Variants in DYM observed in about 807,000 individuals in gnomAD.
The protein encoded by DYM is dyggve-Melchior-Clausen syndrome protein.
Under a neutral mutation model 93.1 loss-of-function variants are expected in DYM, and 78 were observed. The ratio of observed to expected loss-of-function variants is 0.84; its 90% CI spans 0.70 to 1.01. The LOEUF is 1.01. Ranked by LOEUF, DYM falls within the 50% of genes least tolerant of loss-of-function variation. The pLI, the probability that DYM is intolerant of heterozygous loss-of-function variation, is 0.00. For missense variants in DYM, 789 were observed against 845.0 expected (o/e 0.93, Z 0.82); for synonymous variants, 321 against 319.7 (o/e 1.00, Z -0.04).
At chr18:49,343,628 T>TG (rs2064336932) in intron 6 of DYM, among the ~76,000 whole-genome samples, 1 of 152,226 alleles carries the variant, frequency 6.6e-6, no homozygotes, top group Non-Finnish European at 1.5e-5. Flanking sequence ...AAACAAGGAC[T>TG]GACAACCAGT....
chr18:49,258,855 G>GAGAGAGCAC (rs2094442162), intron 11 of DYM, among the ~76,000 whole-genome samples: 13 of 101,522 alleles, frequency 1.3e-4, no homozygotes, highest in African/African-American at 4.7e-4. Context: ...GAGAGAGAGA[G>GAGAGAGCAC]AGAGAGAGAG....
chr18:49,251,297 G>A (rs1268735317), intron 13 of DYM, among the ~76,000 whole-genome samples: 1 of 152,168 alleles, frequency 6.6e-6, no homozygotes, highest in Non-Finnish European at 1.5e-5. Context: ...GGGTGAAGAC[G>A]ACACACATGT....
At chr18:49,330,034 GTTT>G (rs1048569772) in intron 8 of DYM, among the ~76,000 whole-genome samples, 6 of 152,114 alleles carry the variant, frequency 3.9e-5, no homozygotes, top group African/African-American at 1.4e-4. Context: ...GACTGTGATC[GTTT>G]TTACATTTCA....
chr18:49,170,564 G>A (rs1321916945), intron 14 of DYM, among the ~76,000 whole-genome samples: 2 of 151,918 alleles, frequency 1.3e-5, no homozygotes, highest in South Asian at 2.1e-4. Context: ...GGTGGATCAT[G>A]AGGTCAGGAA....
In DYM at chr18:49,405,820, T is replaced by C. The variant is rs1049050027; in HGVS notation, c.141-14175A>G. Among the ~76,000 whole-genome samples, 15 of 152,370 alleles carry C rather than the reference T, an allele frequency of 9.8e-5. No individual in the cohort carries two copies. In the East Asian group the frequency reaches 2.5e-3, roughly 25 times the overall value. ...TATCTGTAGATTGCTTCGGACAGTA[T>C]GGCCATTTTAACAATGTCAATTCTT... is the stretch of plus-strand genomic sequence containing the variant. On this transcript the variant is annotated intron_variant, in intron 2 of 17. Transcript: ENST00000675505.
intron 15 of DYM, among the ~76,000 whole-genome samples, chr18:49,139,312 C>T (rs1279441727): frequency 6.6e-6 from 1 of 152,064 alleles, no homozygotes. Flanking sequence ...TTTTCTATTT[C>T]CTCCAACATT....
chr18:49,322,862 A>G (rs2146623542), intron 8 of DYM, among the ~76,000 whole-genome samples: 1 of 152,310 alleles, frequency 6.6e-6, no homozygotes, highest in African/African-American at 2.4e-5. Flanking sequence ...ATTTGATCTC[A>G]GCAGCCCCAC....
At chr18:49,402,925 T>C (rs1249432392) in intron 2 of DYM, among the ~76,000 whole-genome samples, 4 of 152,202 alleles carry the variant, frequency 2.6e-5, no homozygotes, top group African/African-American at 9.7e-5. Flanking sequence ...TGGTATGACC[T>C]AGCCAAATTA....
rs144856164 is a variant in DYM, at chr18:49,369,589, GTTA to G, written c.422-6359_422-6357del. Among the ~76,000 whole-genome samples the G allele has an allele frequency of 7.1e-3, 1,082 of 152,238 alleles. 18 individuals are homozygous for G. Among genetic ancestry groups the G allele is most frequent in the African/African-American group, 0.025 (1,036 of 41,538 alleles). On this transcript the variant is annotated intron_variant, in intron 5 of 17. Coordinates refer to ENST00000675505, the MANE Select transcript of DYM (RefSeq NM_001353214.3). The stretch of plus-strand genomic sequence containing the variant: ...TACTCCATTTTCCAACTTTCAAAAT[GTTA>G]TTAACATTGTGTTCCCCTCTCTTCT...
chr18:49,442,439 T>C (rs1025293139), intron 1 of DYM, among the ~76,000 whole-genome samples: 1 of 151,946 alleles, frequency 6.6e-6, no homozygotes, highest in African/African-American at 2.4e-5. Context: ...TAGTTCCTGC[T>C]ACTTGGGAGG....
chr18:49,136,015 C>T (rs1450423331), intron 15 of DYM, among the ~76,000 whole-genome samples: 1 of 152,208 alleles, frequency 6.6e-6, no homozygotes, highest in Non-Finnish European at 1.5e-5. Flanking sequence ...CAAACAACTG[C>T]TAATGCTCAT....
intron 13 of DYM, among the ~76,000 whole-genome samples, chr18:49,214,326 C>T (rs75288633): frequency 1.4e-3 from 206 of 152,246 alleles, no homozygotes; most frequent in African/African-American, 3.9e-3. Context: ...CATAGGAAGA[C>T]GAACCCTATT....
At chr18:49,161,181 A>G (rs969883747) in intron 15 of DYM, among the ~76,000 whole-genome samples, 1 of 152,180 alleles carries the variant, frequency 6.6e-6, no homozygotes, top group African/African-American at 2.4e-5. Flanking sequence ...ATTTTTACTT[A>G]GTGAAAATTT....
At chr18:49,201,749 T>C (rs957694102) in intron 14 of DYM, among the ~76,000 whole-genome samples, 2 of 152,268 alleles carry the variant, frequency 1.3e-5, no homozygotes, top group African/African-American at 2.4e-5. Context: ...ACTCTGCTAA[T>C]AGCACATTAT....
At chr18:49,124,971 G>C (rs2082675712) in intron 15 of DYM, among the ~76,000 whole-genome samples, 1 of 152,198 alleles carries the variant, frequency 6.6e-6, no homozygotes, top group African/African-American at 2.4e-5. Flanking sequence ...CTCTAAATAA[G>C]TTATTAGGCC....
intron 3 of DYM, chr18:49,391,297 A>G (rs931135550): frequency 1.1e-5 from 4 of 350,330 alleles, no homozygotes; most frequent in Admixed American, 7.6e-5. Flanking sequence ...CAATAACAGC[A>G]CTTGGTAAAT....
intron 15 of DYM, among the ~76,000 whole-genome samples, chr18:49,131,085 T>G (rs1262097592): frequency 1.3e-5 from 2 of 152,226 alleles, no homozygotes; most frequent in Non-Finnish European, 2.9e-5. Context: ...ATAAAGAGTG[T>G]TCCTTACTTG....
chr18:49,085,961 A>G (rs2078486555), intron 17 of DYM, among the ~76,000 whole-genome samples: 1 of 152,176 alleles, frequency 6.6e-6, no homozygotes, highest in African/African-American at 2.4e-5. Flanking sequence ...TTAGTTTGTG[A>G]ATGACACATT....
At chr18:49,046,307 A>G (rs2071530812) in intron 17 of DYM, among the ~76,000 whole-genome samples, 1 of 130,228 alleles carries the variant, frequency 7.7e-6, no homozygotes, top group Non-Finnish European at 1.8e-5. Flanking sequence ...GCGCGCGCAC[A>G]CACACACACA....
Sources: allele counts gnomAD v4.1 joint callset (sites outside exome capture counted in the v4.1 genomes callset), GRCh38; gene constraint gnomAD v4.1.1; transcripts MANE v1.5; gene names NCBI Gene and HGNC (gene_info 2026-07-23, HGNC 2026-07-21).